Variants in PDGFRA observed in about 807,000 individuals in gnomAD.
The protein encoded by PDGFRA is platelet derived growth factor receptor alpha, also known as platelet-derived growth factor receptor alpha.
A neutral mutation model predicts 121.5 loss-of-function variants in PDGFRA; 25 were observed. The observed-to-expected ratio is 0.21, with a 90% CI of 0.15 to 0.29. PDGFRA has a LOEUF of 0.29. PDGFRA is among the 10% of genes least tolerant of loss of function. The pLI is 1.00. For synonymous variants in PDGFRA, 463 were observed against 494.8 expected, an observed-to-expected ratio of 0.94 and a Z score of 0.85; for missense variants, 1,008 against 1,345.1, an observed-to-expected ratio of 0.75 and a Z score of 3.92.
At chr4:54,248,453 C>A (rs532127103) in intron 1 of PDGFRA, among the ~76,000 whole-genome samples, 4 of 152,284 alleles carry the variant, frequency 2.6e-5, no homozygotes, top group African/African-American at 9.6e-5. Flanking sequence ...CTGAGAAAAA[C>A]AAGCAATGGG....
At chr4:54,264,293 T>C (rs1245556736) in intron 4 of PDGFRA, 7 of 378,298 alleles carry the variant, frequency 1.9e-5, no homozygotes, top group Admixed American at 4.4e-5. Flanking sequence ...TTAAGAAAAG[T>C]GATTTGAAGA....
chr4:54,258,898 G>C, intron 2 of PDGFRA, 81 bp downstream of exon 2: 1 of 1,078,130 alleles, frequency 9.3e-7, no homozygotes, highest in South Asian at 1.2e-5. Context: ...TTTATTACCA[G>C]TACTCTGCAT....
intron 9 of PDGFRA, 115 bp downstream of exon 9, chr4:54,272,635 G>A: frequency 8.8e-7 from 1 of 1,133,818 alleles, no homozygotes; most frequent in Non-Finnish European, 1.3e-6. Flanking sequence ...GGGTGTGATA[G>A]CTTCAGGGTG....
chr4:54,233,391 G>T (rs1350753461), intron 1 of PDGFRA, among the ~76,000 whole-genome samples: 1 of 152,248 alleles, frequency 6.6e-6, no homozygotes, highest in African/African-American at 2.4e-5. Flanking sequence ...ACTCCCGGCT[G>T]CGCTGTCGGG....
intron 2 of PDGFRA, among the ~76,000 whole-genome samples, chr4:54,259,744 G>C (rs1722584127): frequency 6.6e-6 from 1 of 152,206 alleles, no homozygotes; most frequent in Non-Finnish European, 1.5e-5. Flanking sequence ...AGGTGATCCA[G>C]ATGTACTTAC....
rs1873778 is a variant in PDGFRA at position 54,274,888 on chromosome 4, A to G, written c.1701A>G (p.Pro567=). 1,601,855 of 1,613,940 alleles carry G rather than the reference A, an allele frequency of 0.99. 795,435 individuals are homozygous for G. Among genetic ancestry groups the G allele is most frequent in the East Asian group, 1 (44,858 of 44,860 alleles). ...GGAGGGTCATTGAATCAATCAGCCCAGATGGACATGAATATATTTATGTGG... is the reference window on the plus strand; with the variant it reads ...GGAGGGTCATTGAATCAATCAGCCCGGATGGACATGAATATATTTATGTGG... ...IRWRVIESIS[P]DGHEYIYVDP... Residue 567 remains proline, a synonymous_variant, in exon 12 of 23, where the codon CCA becomes CCG. Coordinates refer to ENST00000257290, the MANE Select transcript of PDGFRA (RefSeq NM_006206.6).
At chr4:54,237,050 C>A (rs1380127782) in intron 1 of PDGFRA, among the ~76,000 whole-genome samples, 1 of 152,022 alleles carries the variant, frequency 6.6e-6, no homozygotes, top group South Asian at 2.1e-4. Flanking sequence ...CTCACTGCAA[C>A]CTCTGCCTAC....
rs1720535539 is a variant in PDGFRA, at chr4:54,229,433, A to G, written c.-13+18A>G. 1 of 397,956 alleles carries G rather than the reference A, an allele frequency of 2.5e-6. No homozygotes were observed. Among genetic ancestry groups the G allele is most frequent in the Non-Finnish European group, 4.4e-6 (1 of 225,824 alleles). The allele number at this position is 397,956 out of a possible 1,614,324, so 24.7% of individuals were successfully genotyped here. A position where few individuals can be genotyped will look rare whatever the true frequency, so the allele number is the denominator to read the frequency against. Reference sequence around the variant, plus strand: ...AGGAGAAGGTAAGGGAAAAGAAAAAATGATTTTTTGTTTATAAGGGAAGTC... The same window carrying G: ...AGGAGAAGGTAAGGGAAAAGAAAAAGTGATTTTTTGTTTATAAGGGAAGTC... On this transcript the variant is annotated intron_variant, in intron 1 of 22. Transcript: ENST00000257290.
intron 1 of PDGFRA, among the ~76,000 whole-genome samples, chr4:54,257,085 C>A (rs1405249529): frequency 6.6e-6 from 1 of 152,182 alleles, no homozygotes; most frequent in South Asian, 2.1e-4. Context: ...GAAGCCGAAA[C>A]CCACCAAAAC....
intron 1 of PDGFRA, among the ~76,000 whole-genome samples, chr4:54,238,097 G>A (rs1482080538): frequency 6.6e-6 from 1 of 152,144 alleles, no homozygotes; most frequent in African/African-American, 2.4e-5. Context: ...AGTAAATAAT[G>A]GTTTCTCCTT....
At chr4:54,230,829 A>G (rs1720619287) in intron 1 of PDGFRA, among the ~76,000 whole-genome samples, 1 of 152,008 alleles carries the variant, frequency 6.6e-6, no homozygotes, top group African/African-American at 2.4e-5. Flanking sequence ...GTCTACCCCC[A>G]TGGAAACCAG....
At chr4:54,252,386 A>G (rs1722098167) in intron 1 of PDGFRA, among the ~76,000 whole-genome samples, 1 of 152,122 alleles carries the variant, frequency 6.6e-6, no homozygotes, top group African/African-American at 2.4e-5. Context: ...TAAATTGAAC[A>G]CTTATTAATC....
At chr4:54,236,088 TG>T (rs1252711258) in intron 1 of PDGFRA, among the ~76,000 whole-genome samples, 1 of 152,204 alleles carries the variant, frequency 6.6e-6, no homozygotes, top group Non-Finnish European at 1.5e-5. Flanking sequence ...TTATGGCAAA[TG>T]TTTTTTGAGC....
chr4:54,280,199 T>C, intron 15 of PDGFRA, 117 bp from the exon 16 acceptor site: 1 of 754,658 alleles, frequency 1.3e-6, no homozygotes, highest in South Asian at 1.5e-5. Flanking sequence ...GTTTTGCTTT[T>C]ACCCAGTTAG....
chr4:54,291,110 T>C (rs1249490862), intron 22 of PDGFRA, among the ~76,000 whole-genome samples: 1 of 152,206 alleles, frequency 6.6e-6, no homozygotes, highest in Non-Finnish European at 1.5e-5. Context: ...GGAAGATTTC[T>C]AACGTGTGCA....
chr4:54,288,344 A>C (rs1457140584), intron 19 of PDGFRA, among the ~76,000 whole-genome samples: 2 of 152,154 alleles, frequency 1.3e-5, no homozygotes, highest in Non-Finnish European at 2.9e-5. Flanking sequence ...ATGGATGATC[A>C]CAATGGATCA....
chr4:54,249,328 T>C (rs1228740923), intron 1 of PDGFRA, among the ~76,000 whole-genome samples: 1 of 152,172 alleles, frequency 6.6e-6, no homozygotes, highest in Admixed American at 6.5e-5. Flanking sequence ...TAAAGACACA[T>C]GCACACGTAT....
chr4:54,288,065 AC>A (rs1287867540), intron 19 of PDGFRA, among the ~76,000 whole-genome samples: 8 of 152,120 alleles, frequency 5.3e-5, no homozygotes, highest in Admixed American at 5.2e-4. Context: ...ATGAGCCATA[AC>A]CCTGACATCT....
intron 3 of PDGFRA, among the ~76,000 whole-genome samples, chr4:54,261,931 A>ATATATTTTT (rs57094735): frequency 1.7e-5 from 1 of 58,424 alleles, no homozygotes; most frequent in Non-Finnish European, 3.2e-5. Context: ...ATATATATAT[A>ATATATTTTT]TTTTTTTTTT....
Sources: allele counts gnomAD v4.1 joint callset (sites outside exome capture counted in the v4.1 genomes callset), GRCh38; gene constraint gnomAD v4.1.1; transcripts MANE v1.5; gene names NCBI Gene and HGNC (gene_info 2026-07-23, HGNC 2026-07-21).